Variants in ADAMTSL1 observed in about 807,000 individuals in gnomAD.
ADAMTSL1 encodes the protein ADAMTS-like protein 1.
ADAMTSL1 carries 126 observed loss-of-function variants against 201.8 expected under a neutral mutation model. The ratio of observed to expected loss-of-function variants is 0.62; its 90% CI spans 0.54 to 0.72. The LOEUF (loss-of-function observed/expected upper bound fraction) is 0.72, where lower values mean the gene tolerates loss of function less well. ADAMTSL1 is among the 30% of genes least tolerant of loss of function. ADAMTSL1 has a pLI of 0.00. For synonymous variants in ADAMTSL1, 1,121 were observed against 903.4 expected (o/e 1.24, Z -4.32); for missense variants, 2,679 against 2,277.8 (o/e 1.18, Z -3.59).
chr9:18,403,557 A>C lies in ADAMTSL1; in HGVS notation c.208-101272A>C, dbSNP rs190832388. On this transcript the variant is annotated intron_variant, in intron 2 of 29. Coordinates refer to the ADAMTSL1 transcript ENST00000680146. ...CAATTTCTCTGTCTCAATAGTTCCT[A>C]ATACAGAGCCTAACACATGGAAAAC... is the stretch of plus-strand genomic sequence containing the variant. Among the ~76,000 whole-genome samples the C allele has an allele frequency of 2.4e-4, 37 of 152,312 alleles. No homozygotes were observed. The East Asian group carries it at 7.1e-3, about 29-fold the overall frequency.
chr9:18,503,648 T>C (rs1373592584), intron 1 of ADAMTSL1, among the ~76,000 whole-genome samples: 1 of 152,054 alleles, frequency 6.6e-6, no homozygotes, highest in Non-Finnish European at 1.5e-5. Context: ...TAGGAAGCTC[T>C]AAAGCCAGTA....
intron 2 of ADAMTSL1, among the ~76,000 whole-genome samples, chr9:18,352,833 G>A (rs1836034279): frequency 6.6e-6 from 1 of 152,162 alleles, no homozygotes; most frequent in Non-Finnish European, 1.5e-5. Context: ...AGCGTCCCTG[G>A]CAAGATGCAA....
intron 23 of ADAMTSL1, among the ~76,000 whole-genome samples, chr9:18,837,353 T>A (rs1588199348): frequency 6.6e-6 from 1 of 152,244 alleles, no homozygotes; most frequent in African/African-American, 2.4e-5. Flanking sequence ...GCTGAAAATA[T>A]TATCCTTTCT....
intron 2 of ADAMTSL1, among the ~76,000 whole-genome samples, chr9:18,186,958 A>T (rs1828765397): frequency 6.6e-6 from 1 of 152,164 alleles, no homozygotes; most frequent in African/African-American, 2.4e-5. Flanking sequence ...ACCAGGACCC[A>T]GACTCAAGAC....
At chr9:18,873,444 A>C (rs1010599034) in intron 23 of ADAMTSL1, among the ~76,000 whole-genome samples, 3 of 152,192 alleles carry the variant, frequency 2.0e-5, no homozygotes, top group African/African-American at 7.2e-5. Flanking sequence ...CTTAGATTTA[A>C]GTCCTTGATC....
rs752979049 is a variant in ADAMTSL1 at position 18,829,923 on chromosome 9, A to T, written c.4195A>T (p.Thr1399Ser). ...ATGPNLPSVL[T>S]SPLGTQLVLD... ...TGGACCGAACCTTCCTTCAGTGCTG[A>T]CGTCTCCTCTGGGAACACAGCTGGT... Residue 1399 changes from threonine to serine, a missense_variant, in exon 23 of 29, where the codon ACG becomes TCG. Transcript: ENST00000380548. 31 of 1,613,758 alleles carry T rather than the reference A, an allele frequency of 1.9e-5. No individual in the cohort carries two copies. Among genetic ancestry groups the T allele is most frequent in the African/African-American group, 2.7e-5 (2 of 74,894 alleles).
intron 13 of ADAMTSL1, among the ~76,000 whole-genome samples, chr9:18,704,486 T>C (rs1257581080): frequency 1.3e-5 from 2 of 152,232 alleles, no homozygotes; most frequent in Non-Finnish European, 1.5e-5. Context: ...GTATTATTCA[T>C]CACACCATTG....
chr9:18,511,183 A>G (rs142633565), intron 2 of ADAMTSL1, among the ~76,000 whole-genome samples: 154 of 152,240 alleles, frequency 1.0e-3, no homozygotes, highest in African/African-American at 3.5e-3. Flanking sequence ...CTGGTGACTA[A>G]AGAAGATTTA....
intron 1 of ADAMTSL1, among the ~76,000 whole-genome samples, chr9:18,091,795 T>C (rs1824031675): frequency 6.6e-6 from 1 of 152,024 alleles, no homozygotes; most frequent in African/African-American, 2.4e-5. Flanking sequence ...GTCCCTTCCA[T>C]CTAGTAGCAA....
intron 13 of ADAMTSL1, among the ~76,000 whole-genome samples, chr9:18,695,979 A>C (rs1831523484): frequency 6.6e-6 from 1 of 152,222 alleles, no homozygotes; most frequent in Non-Finnish European, 1.5e-5. Flanking sequence ...AAGGGGAAGC[A>C]GGCACATCTT....
At chr9:18,095,741 A>G (rs552882842) in intron 1 of ADAMTSL1, among the ~76,000 whole-genome samples, 1 of 152,160 alleles carries the variant, frequency 6.6e-6, no homozygotes, top group Non-Finnish European at 1.5e-5. Context: ...TAAATTTCTT[A>G]GTGCTGGGCT....
intron 2 of ADAMTSL1, among the ~76,000 whole-genome samples, chr9:18,437,265 T>C (rs1810824127): frequency 6.6e-6 from 1 of 152,108 alleles, no homozygotes. Flanking sequence ...CAGTCTTCTC[T>C]CCATGTCCCG....
At chr9:18,654,380 A>G (rs1587812704) in intron 7 of ADAMTSL1, among the ~76,000 whole-genome samples, 1 of 152,382 alleles carries the variant, frequency 6.6e-6, no homozygotes, top group East Asian at 1.9e-4. Context: ...CTAATAATTT[A>G]TCACAAACAA....
intron 2 of ADAMTSL1, among the ~76,000 whole-genome samples, chr9:18,418,828 A>G (rs1420960397): frequency 1.3e-5 from 2 of 152,340 alleles, no homozygotes; most frequent in East Asian, 1.9e-4. Context: ...TATTCTGTAT[A>G]GACACAATCT....
At chr9:18,188,513 G>A (rs998386564) in intron 2 of ADAMTSL1, among the ~76,000 whole-genome samples, 4 of 152,086 alleles carry the variant, frequency 2.6e-5, no homozygotes, top group African/African-American at 4.8e-5. Flanking sequence ...ACTTTTACTA[G>A]ATGAGAAAGG....
At chr9:18,833,500 C>T (rs1825123257) in intron 23 of ADAMTSL1, among the ~76,000 whole-genome samples, 2 of 152,294 alleles carry the variant, frequency 1.3e-5, no homozygotes, top group Middle Eastern at 3.4e-3. Flanking sequence ...GCATGTATAT[C>T]TTCTTTTGAA....
chr9:18,687,275 G>T (rs1830896262), intron 13 of ADAMTSL1, among the ~76,000 whole-genome samples: 1 of 152,120 alleles, frequency 6.6e-6, no homozygotes, highest in African/African-American at 2.4e-5. Context: ...AAAACATAAT[G>T]TTGCATGGCC....
In ADAMTSL1 at chr9:18,371,740, C is replaced by A. The variant is rs183109183; in HGVS notation, c.208-133089C>A. ...TTTCACAATCACAAATAAATGTGGG[C>A]ATTAGGATGTGAGGAGGCAAATCTT... On this transcript the variant is annotated intron_variant, in intron 2 of 29. Transcript: ENST00000680146. Among the ~76,000 whole-genome samples, 521 of 152,204 alleles carry A rather than the reference C, an allele frequency of 3.4e-3. 1 individual carries two copies. Among genetic ancestry groups the A allele is most frequent in the Non-Finnish European group, 5.2e-3 (352 of 67,996 alleles).
intron 2 of ADAMTSL1, among the ~76,000 whole-genome samples, chr9:18,309,470 T>C (rs1418822733): frequency 6.6e-6 from 1 of 152,136 alleles, no homozygotes; most frequent in Admixed American, 6.5e-5. Flanking sequence ...CTTAAGCTGA[T>C]AAGCAACTTC....
Sources: allele counts gnomAD v4.1 joint callset (sites outside exome capture counted in the v4.1 genomes callset), GRCh38; gene constraint gnomAD v4.1.1; transcripts MANE v1.5; gene names NCBI Gene and HGNC (gene_info 2026-07-23, HGNC 2026-07-21).